SLC22A15: variants seen among roughly 807,000 people sequenced by gnomAD.
SLC22A15 encodes flipt 1.
Under a neutral mutation model 62.7 loss-of-function variants are expected in SLC22A15, and 45 were observed. The ratio of observed to expected loss-of-function variants is 0.72; its 90% confidence interval spans 0.56 to 0.92. The LOEUF is 0.92. Ranked by LOEUF, SLC22A15 falls within the 40% of genes least tolerant of loss-of-function variation. The pLI, the probability that SLC22A15 is intolerant of heterozygous loss-of-function variation, is 0.00. For missense variants in SLC22A15, 622 were observed against 665.6 expected (o/e 0.93, Z 0.72); for synonymous variants, 264 against 267.0 (o/e 0.99, Z 0.11).
chr1:116,035,035 A>G (rs1657581726), intron 6 of SLC22A15, among the ~76,000 whole-genome samples, 152 bp from the exon 7 acceptor site: 1 of 152,256 alleles, frequency 6.6e-6, no homozygotes, highest in Non-Finnish European at 1.5e-5. Context: ...AGATTAAAAT[A>G]GAAAAATTAG....
intron 6 of SLC22A15, chr1:116,032,577 T>C (rs1465592470): frequency 1.0e-6 from 1 of 985,348 alleles, no homozygotes; most frequent in Non-Finnish European, 1.2e-6. Context: ...ATACTCTTTT[T>C]CTACCCAAGC....
intron 2 of SLC22A15, among the ~76,000 whole-genome samples, chr1:115,996,307 C>T (rs185274651): frequency 2.6e-4 from 40 of 152,190 alleles, no homozygotes; most frequent in African/African-American, 9.4e-4. Context: ...GTTCCTTTGC[C>T]TTTCCATATA....
chr1:116,059,088 C>T (rs541887404), intron 8 of SLC22A15, among the ~76,000 whole-genome samples: 66 of 152,150 alleles, frequency 4.3e-4, no homozygotes, highest in African/African-American at 1.4e-3. Context: ...ACCACCTGTA[C>T]CTCAATAAAT....
chr1:115,996,759 T>C (rs1655448040), intron 2 of SLC22A15, among the ~76,000 whole-genome samples: 1 of 152,148 alleles, frequency 6.6e-6, no homozygotes, highest in Non-Finnish European at 1.5e-5. Context: ...GAATTTAATT[T>C]CTTTAATAGT....
intron 8 of SLC22A15, among the ~76,000 whole-genome samples, chr1:116,057,802 C>A (rs1447394350): frequency 6.6e-6 from 1 of 152,114 alleles, no homozygotes; most frequent in South Asian, 2.1e-4. Context: ...TAAACTATCG[C>A]AAGGACAAAA....
At chr1:116,015,658 G>T (rs141492414) in intron 2 of SLC22A15, among the ~76,000 whole-genome samples, 24 of 152,120 alleles carry the variant, frequency 1.6e-4, no homozygotes, top group African/African-American at 3.1e-4. Context: ...TATCTTGGCC[G>T]TGTAAACAGA....
chr1:115,998,162 G>A (rs10754427), intron 2 of SLC22A15, among the ~76,000 whole-genome samples: 73,919 of 152,056 alleles, frequency 0.49, 20,679 homozygotes, highest in Non-Finnish European at 0.64. Flanking sequence ...ACCTTTTAAT[G>A]TATTGTTGAA....
chr1:116,044,192 G>A (rs888387585), intron 8 of SLC22A15, among the ~76,000 whole-genome samples: 1 of 152,310 alleles, frequency 6.6e-6, no homozygotes, highest in Admixed American at 6.5e-5. Flanking sequence ...TAATATGGAT[G>A]TAAAAATCTT....
At chr1:116,033,237 T>G (rs1055224181) in intron 6 of SLC22A15, among the ~76,000 whole-genome samples, 1 of 152,232 alleles carries the variant, frequency 6.6e-6, no homozygotes, top group Non-Finnish European at 1.5e-5. Context: ...TCCACAATAG[T>G]GCCTTTTTAA....
At chr1:116,016,001 T>A (rs1656500539) in intron 2 of SLC22A15, among the ~76,000 whole-genome samples, 2 of 152,192 alleles carry the variant, frequency 1.3e-5, no homozygotes, top group South Asian at 2.1e-4. Context: ...TAAATTAATT[T>A]TTTACAAAAC....
Position 116,026,917 on chromosome 1 carries a change from C to A in SLC22A15, c.623C>A (p.Ala208Glu). 1 of 1,613,612 alleles carries A rather than the reference C, an allele frequency of 6.2e-7. No homozygotes were observed. Among genetic ancestry groups the A allele is most frequent in the Non-Finnish European group, 8.5e-7 (1 of 1,179,828 alleles). ...GGATCGATTGGCGGCCTGTTCTTTG[C>A]AGTTGGCATTGCCCAATATGCCCTG... ...LAGSIGGLFFAVGIAQYALLG... is the reference protein window; with the variant it reads ...LAGSIGGLFFEVGIAQYALLG... Residue 208 changes from alanine to glutamate, a missense_variant, in exon 5 of 12, where the codon GCA becomes GAA. Transcript: ENST00000369503.
chr1:116,052,617 G>A (rs1658091092), intron 8 of SLC22A15, among the ~76,000 whole-genome samples: 1 of 152,214 alleles, frequency 6.6e-6, no homozygotes, highest in African/African-American at 2.4e-5. Context: ...GTGGGTCCCT[G>A]ACCCCTGACC....
intron 4 of SLC22A15, among the ~76,000 whole-genome samples, chr1:116,026,078 G>A (rs1291005885): frequency 4.6e-5 from 7 of 152,126 alleles, no homozygotes. Context: ...AATACATTAA[G>A]TAGAGAAGGC....
intron 2 of SLC22A15, among the ~76,000 whole-genome samples, chr1:116,008,023 G>A (rs998517950): frequency 6.6e-6 from 1 of 152,094 alleles, no homozygotes; most frequent in African/African-American, 2.4e-5. Flanking sequence ...GGTGAAGATC[G>A]ACTCTGCCTG....
intron 8 of SLC22A15, among the ~76,000 whole-genome samples, chr1:116,050,897 A>G (rs770486065): frequency 2.6e-5 from 4 of 152,230 alleles, no homozygotes; most frequent in African/African-American, 4.8e-5. Context: ...AGATTAATGT[A>G]CAGAAATCAG....
intron 2 of SLC22A15, among the ~76,000 whole-genome samples, chr1:116,019,341 A>C (rs1200950537): frequency 6.6e-6 from 1 of 152,238 alleles, no homozygotes; most frequent in Non-Finnish European, 1.5e-5. Context: ...CATTGTGTTC[A>C]ATTCTGTAAT....
At chr1:116,011,804 G>A (rs1656273051) in intron 2 of SLC22A15, among the ~76,000 whole-genome samples, 1 of 152,154 alleles carries the variant, frequency 6.6e-6, no homozygotes, top group South Asian at 2.1e-4. Context: ...GGGGAGTGGG[G>A]AGAGGAGGGC....
At chr1:116,031,127 C>A (rs1657373125) in intron 5 of SLC22A15, among the ~76,000 whole-genome samples, 2 of 151,956 alleles carry the variant, frequency 1.3e-5, no homozygotes, top group South Asian at 4.1e-4. Context: ...ATACTGTTTG[C>A]TTTTTAAACT....
At chr1:116,051,015 G>A (rs564918537) in intron 8 of SLC22A15, among the ~76,000 whole-genome samples, 28 of 152,094 alleles carry the variant, frequency 1.8e-4, no homozygotes, top group African/African-American at 5.3e-4. Flanking sequence ...ACCTAACCAA[G>A]GAGTCAAAAA....
Sources: gnomAD v4.1 joint callset for allele counts (sites outside exome capture counted in the v4.1 genomes callset) on GRCh38, gnomAD v4.1.1 for gene constraint, MANE v1.5 for transcripts, NCBI Gene and HGNC (gene_info 2026-07-23, HGNC 2026-07-21) for gene names.